Variants in CRMP1 observed in about 807,000 individuals in gnomAD.
CRMP1 encodes the protein dihydropyrimidinase-related protein 1.
A neutral mutation model predicts 68.3 loss-of-function variants in CRMP1; 19 were observed. The observed-to-expected ratio is 0.28, with a 90% CI of 0.19 to 0.41. CRMP1 has a LOEUF of 0.41. Ranked by LOEUF, CRMP1 falls within the 10% of genes least tolerant of loss-of-function variation. The pLI is 1.00. For missense variants in CRMP1, 791 were observed against 967.4 expected, an observed-to-expected ratio of 0.82 and a Z score of 2.42; for synonymous variants, 439 against 399.6, an observed-to-expected ratio of 1.10 and a Z score of -1.18.
chr4:5,892,734 C>G lies in CRMP1; in HGVS notation c.236G>C (p.Gly79Ala). The change falls in exon 1 of 14, where the codon GGA (glycine) becomes GCA (alanine). Residue 79 changes from glycine (G) to alanine (A), a missense_variant. By Grantham distance (60) the Gly-to-Ala change is moderately conservative. Transcript: ENST00000324989. This position sits in a 1 kb window ranked among gnomAD's most constrained non-coding sequence, Gnocchi z 8.6. ...GTCGCTGGCCGTGTCCTCGCTGCCT[C>G]CCGGCCCTGGCAGCCCGACCGCGTC... The part of the protein sequence containing the change: ...RPDAVGLPGP[G>A]GSEDTASDVS... 8.1e-7 allele frequency: 1 copy of G among 1,227,768 alleles called. No individual in the cohort carries two copies. The highest frequency in any genetic ancestry group is 1.0e-6 in the Non-Finnish European group (1 of 985,628). The allele number at this position is 1,227,768 out of a possible 1,614,324, so 76.1% of individuals were successfully genotyped here. A position where few individuals can be genotyped will look rare whatever the true frequency, so the allele number is the denominator to read the frequency against.
intron 2 of CRMP1, among the ~76,000 whole-genome samples, chr4:5,864,277 C>T (rs61603771): frequency 1.3e-4 from 20 of 152,248 alleles, no homozygotes; most frequent in Middle Eastern, 3.4e-3. Flanking sequence ...GGGGAGCCCA[C>T]GAGATCATTC....
chr4:5,890,810 G>T lies in CRMP1; in HGVS notation c.381+1779C>A, dbSNP rs1715908062. Among the ~76,000 whole-genome samples the T allele has an allele frequency of 6.6e-6, 1 of 152,080 alleles. No homozygotes were observed. ...GATGCTGGCGTTGGTGACATTGACC[G>T]CAGTTCCAGAGGAACTCTCCTTGGG... On this transcript the variant is annotated intron_variant, in intron 1 of 13. Coordinates refer to ENST00000324989, the MANE Select transcript of CRMP1 (RefSeq NM_001014809.3). The surrounding 1 kb of genome is among the most constrained non-coding windows in gnomAD (Gnocchi z 5.5).
intron 11 of CRMP1, among the ~76,000 whole-genome samples, chr4:5,831,921 A>G (rs1720407842): frequency 6.6e-6 from 1 of 152,226 alleles, no homozygotes. Context: ...TATACCCTTT[A>G]AAGAGCAGCC....
At chr4:5,822,329 T>C (rs1288958276) in intron 13 of CRMP1, among the ~76,000 whole-genome samples, 2 of 152,148 alleles carry the variant, frequency 1.3e-5, no homozygotes, top group Non-Finnish European at 1.5e-5. Flanking sequence ...CCAAACTGGT[T>C]GGTTTTCAAA....
chr4:5,846,862 G>T (rs924710424), intron 6 of CRMP1, among the ~76,000 whole-genome samples: 1 of 136,120 alleles, frequency 7.3e-6, no homozygotes, highest in Non-Finnish European at 1.5e-5. Context: ...TGATCTGCCC[G>T]CCTTGGCCTC....
rs1222822532 is a variant in CRMP1 at position 5,834,859 on chromosome 4, AG to A, written c.1623+1055del. 6.6e-6 allele frequency among the ~76,000 whole-genome samples: 1 copy of A among 152,218 alleles called. No homozygotes were observed. Among genetic ancestry groups the A allele is most frequent in the Non-Finnish European group, 1.5e-5 (1 of 68,030 alleles). On this transcript the variant is annotated intron_variant, in intron 11 of 13. Transcript: ENST00000324989. This position sits in a 1 kb window ranked among gnomAD's most constrained non-coding sequence, Gnocchi z 4.3. ...TTACCAGGGAGCATTGTGTATTATA[AG>A]AATGACCTGGATTGGTGAGCCGGAC...
At chr4:5,847,819 A>T (rs1448109277) in intron 6 of CRMP1, among the ~76,000 whole-genome samples, 1 of 152,204 alleles carries the variant, frequency 6.6e-6, no homozygotes, top group Non-Finnish European at 1.5e-5. Context: ...TAAAATGGGA[A>T]TAATTATATC....
chr4:5,831,169 C>A (rs946542463), intron 11 of CRMP1, among the ~76,000 whole-genome samples: 7 of 152,004 alleles, frequency 4.6e-5, no homozygotes, highest in African/African-American at 1.7e-4. Flanking sequence ...AGTTTGGTTT[C>A]AAACTCCTAG....
intron 1 of CRMP1, among the ~76,000 whole-genome samples, chr4:5,876,861 A>G (rs1013385431): frequency 6.6e-6 from 1 of 152,110 alleles, no homozygotes; most frequent in African/African-American, 2.4e-5. Context: ...CATTCACCAG[A>G]TCTAGATTAC....
At chr4:5,886,053 T>C (rs1197981244) in intron 1 of CRMP1, among the ~76,000 whole-genome samples, 3 of 152,236 alleles carry the variant, frequency 2.0e-5, no homozygotes, top group African/African-American at 7.2e-5. Context: ...TCCTATACAG[T>C]GAAGCCCCAT....
chr4:5,843,052 TG>T lies in CRMP1; in HGVS notation c.1032+40del, dbSNP rs777099920. ...GAACAGCATCAAGGTGAGTGCTCAGTGGTGAGTGTCAGAGTCATGCCCAAGT... is the reference window on the plus strand; with the variant it reads ...GAACAGCATCAAGGTGAGTGCTCAGTGTGAGTGTCAGAGTCATGCCCAAGT... On this transcript the variant is annotated intron_variant, in intron 7 of 13. Transcript: ENST00000324989. This position sits in a 1 kb window ranked among gnomAD's most constrained non-coding sequence, Gnocchi z 4.1. The T allele has an allele frequency of 2.5e-5, 40 of 1,589,612 alleles. 1 individual carries two copies. Among genetic ancestry groups the T allele is most frequent in the Non-Finnish European group, 3.4e-5 (39 of 1,158,748 alleles).
chr4:5,852,053 T>C (rs1441196333), intron 4 of CRMP1, among the ~76,000 whole-genome samples: 1 of 152,028 alleles, frequency 6.6e-6, no homozygotes, highest in African/African-American at 2.4e-5. Flanking sequence ...AGGGGTGTGG[T>C]AAGGATAAGG....
chr4:5,881,564 C>G lies in CRMP1; in HGVS notation c.381+11025G>C, dbSNP rs145847647. Among the ~76,000 whole-genome samples, 1 of 152,080 alleles carries G rather than the reference C, an allele frequency of 6.6e-6. No individual in the cohort carries two copies. Among genetic ancestry groups the G allele is most frequent in the Non-Finnish European group, 1.5e-5 (1 of 68,014 alleles). ...AGCACCGTGGTGCTGTCCACTGCCC[C>G]GACCATGTTCTTTTATATGCTCTCA... On this transcript the variant is annotated intron_variant, in intron 1 of 13. Transcript: ENST00000324989. The surrounding 1 kb of genome is among the most constrained non-coding windows in gnomAD (Gnocchi z 4.6).
chr4:5,825,164 C>T lies in CRMP1; in HGVS notation c.1969+330G>A, dbSNP rs1719340313. On this transcript the variant is annotated intron_variant, in intron 13 of 13. Coordinates refer to ENST00000324989, the MANE Select transcript of CRMP1 (RefSeq NM_001014809.3). The surrounding 1 kb of genome is among the most constrained non-coding windows in gnomAD (Gnocchi z 4.4). ...GCTACTCCCATCTCTTGTTCATCCC[C>T]ACCACTCCATGTTTACTTTCATGAG... 1 of 985,396 alleles carries T rather than the reference C, an allele frequency of 1.0e-6. No individual in the cohort carries two copies. Among genetic ancestry groups the T allele is most frequent in the African/African-American group, 1.7e-5 (1 of 57,338 alleles). The allele number at this position is 985,396 out of a possible 1,614,324, so 61.0% of individuals were successfully genotyped here. A position where few individuals can be genotyped will look rare whatever the true frequency, so the allele number is the denominator to read the frequency against.
rs1054886813 is a variant in CRMP1, at chr4:5,821,940, C to G, written c.1970-89G>C. The G allele has an allele frequency of 3.4e-6, 4 of 1,167,804 alleles. No individual in the cohort carries two copies. The South Asian group carries it at 4.4e-5, about 13-fold the overall frequency. The allele number at this position is 1,167,804 out of a possible 1,614,324, so 72.3% of individuals were successfully genotyped here. On this transcript the variant is annotated intron_variant, in intron 13 of 13. Coordinates refer to ENST00000324989, the MANE Select transcript of CRMP1 (RefSeq NM_001014809.3). This position sits in a 1 kb window ranked among gnomAD's most constrained non-coding sequence, Gnocchi z 4.4. ...GAGGCCATGTACTCTGCCATGCACT[C>G]CACTGGACCCACCTTCATTCAGGGC...
rs928524916 is a variant in CRMP1, at chr4:5,889,053, C to A, written c.381+3536G>T. Among the ~76,000 whole-genome samples, 2 of 152,068 alleles carry A rather than the reference C, an allele frequency of 1.3e-5. No homozygotes were observed. Among genetic ancestry groups the A allele is most frequent in the Non-Finnish European group, 1.5e-5 (1 of 68,004 alleles). ...GTACCCTCTCCCTGAATAGTCTACC[C>A]CAGACAAAAGCCTGTCCACTCCCCT... On this transcript the variant is annotated intron_variant, in intron 1 of 13. Transcript: ENST00000324989. The surrounding 1 kb of genome is among the most constrained non-coding windows in gnomAD (Gnocchi z 4.5).
rs534111398 is a variant in CRMP1 at position 5,860,817 on chromosome 4, G to A, written c.655+209C>T. Among the ~76,000 whole-genome samples, 110 of 152,176 alleles carry A rather than the reference G, an allele frequency of 7.2e-4. 1 individual carries two copies. The highest frequency in any genetic ancestry group is 2.2e-3 in the African/African-American group (90 of 41,516). ...TTTTAAAATTGGTACCTATAAAACCGTATTGTTTATTAAGCCATCTTCTGT... is the reference window on the plus strand; with the variant it reads ...TTTTAAAATTGGTACCTATAAAACCATATTGTTTATTAAGCCATCTTCTGT... On this transcript the variant is annotated intron_variant, in intron 3 of 13. Transcript: ENST00000324989. The surrounding 1 kb of genome is among the most constrained non-coding windows in gnomAD (Gnocchi z 4.2).
chr4:5,881,022 G>A lies in CRMP1; in HGVS notation c.381+11567C>T, dbSNP rs1036943225. 1.3e-5 allele frequency among the ~76,000 whole-genome samples: 2 copies of A among 152,176 alleles called. No individual in the cohort carries two copies. The highest frequency in any genetic ancestry group is 2.9e-5 in the Non-Finnish European group (2 of 68,034). On this transcript the variant is annotated intron_variant, in intron 1 of 13. Transcript: ENST00000324989. This position sits in a 1 kb window ranked among gnomAD's most constrained non-coding sequence, Gnocchi z 4.6. The stretch of plus-strand genomic sequence containing the variant: ...ACAAGCCAAAGTTACTGAAATTGAA[G>A]TGCTCACCACCCCCAGCCCAGGAGG...
At chr4:5,878,414 T>A (rs1314508577) in intron 1 of CRMP1, among the ~76,000 whole-genome samples, 1 of 152,090 alleles carries the variant, frequency 6.6e-6, no homozygotes. Flanking sequence ...TTGACACGAT[T>A]ATCGTGAATG....
Sources: allele counts gnomAD v4.1 joint callset (sites outside exome capture counted in the v4.1 genomes callset), GRCh38; gene constraint gnomAD v4.1.1; non-coding constraint Gnocchi (gnomAD v3.1); transcripts MANE v1.5; gene names NCBI Gene and HGNC (gene_info 2026-07-23, HGNC 2026-07-21).